Variants in SPTBN5 observed in about 807,000 individuals in gnomAD.
SPTBN5 encodes the protein spectrin beta chain, non-erythrocytic 5.
In SPTBN5, 513 loss-of-function variants were observed where a neutral mutation model predicts 477.6. That is an observed-to-expected ratio of 1.07 (90% CI 1.00 to 1.16). The LOEUF (loss-of-function observed/expected upper bound fraction) is 1.16, where lower values mean the gene tolerates loss of function less well. Ranked by LOEUF, SPTBN5 falls within the 50% of genes most tolerant of loss-of-function variation. SPTBN5 has a pLI of 0.00. For missense variants in SPTBN5, 5,062 were observed against 4,731.8 expected, an observed-to-expected ratio of 1.07 and a Z score of -2.05; for synonymous variants, 2,169 against 2,011.7, an observed-to-expected ratio of 1.08 and a Z score of -2.09.
chr15:41,857,700 C>G lies in SPTBN5; in HGVS notation c.8237G>C (p.Arg2746Thr). 1 of 1,574,648 alleles carries G rather than the reference C, an allele frequency of 6.4e-7. No individual in the cohort carries two copies. Among genetic ancestry groups the G allele is most frequent in the Non-Finnish European group, 8.6e-7 (1 of 1,162,440 alleles). ...GGCTGGGTGGCCCCCCTGCAGCAGC[C>G]TCTGTCCCTCCTGCAGCCACAACAT... ...QQQELQREGQRLLQGGHPASE... is the reference protein window; with the variant it reads ...QQQELQREGQTLLQGGHPASE... Residue 2746 changes from arginine to threonine, a missense_variant, in exon 50 of 68, where the codon AGG (arginine) becomes ACG (threonine). Arg to Thr is a moderately conservative substitution (Grantham distance 71, BLOSUM62 -1). Coordinates refer to ENST00000320955, the MANE Select transcript of SPTBN5 (RefSeq NM_016642.4).
chr15:41,867,738 G>A (rs2066377563), intron 34 of SPTBN5, 96 bp from the exon 35 acceptor site: 3 of 1,179,558 alleles, frequency 2.5e-6, no homozygotes, highest in Admixed American at 1.7e-5. Context: ...GTATGGCAGG[G>A]CCTTAGGAGT....
chr15:41,870,539 C>T lies in SPTBN5; in HGVS notation c.5469G>A (p.Trp1823Ter). Residue 1823 changes from tryptophan to a stop codon, truncating the protein, a stop_gained, in exon 30 of 68, where the codon TGG becomes TGA. Transcript: ENST00000320955. LOFTEE classifies it high-confidence loss of function. ...QDLQTAWSELWELTQARGHAL... is the reference protein window; with the variant it reads ...QDLQTAWSEL ...CGTGGCCTCGGGCCTGGGTCAGCTC[C>T]CACAGCTCCGACCAGGCGGTCCTGC... 2 of 1,610,200 alleles carry T rather than the reference C, an allele frequency of 1.2e-6. No homozygotes were observed.
chr15:41,849,447 C>T (rs768816254), intron 67 of SPTBN5, among the ~76,000 whole-genome samples: 8 of 152,146 alleles, frequency 5.3e-5, no homozygotes, highest in African/African-American at 9.7e-5. Context: ...AGGGTCTGGC[C>T]GTCCTGCCAA....
intron 13 of SPTBN5, 58 bp from the exon 14 acceptor site, chr15:41,880,370 G>A: frequency 1.3e-6 from 2 of 1,516,076 alleles, no homozygotes; most frequent in Admixed American, 4.3e-5. Flanking sequence ...AGGGCTCTCA[G>A]AGCGGGTCAA....
At position 41,870,513 on chromosome 15, in the gene SPTBN5, G is replaced by T. The variant is rs370320830; in HGVS notation, c.5495C>A (p.Ala1832Glu). The T allele has an allele frequency of 2.5e-6, 4 of 1,612,356 alleles. No homozygotes were observed. Among genetic ancestry groups the T allele is most frequent in the Non-Finnish European group, 3.4e-6 (4 of 1,179,778 alleles). Reference sequence around the variant, plus strand: ...GAGGGTGGTCTCGGTGTCTCGGAGCGCGTGGCCTCGGGCCTGGGTCAGCTC... The same window carrying T: ...GAGGGTGGTCTCGGTGTCTCGGAGCTCGTGGCCTCGGGCCTGGGTCAGCTC... Reference protein sequence around the residue: ...LWELTQARGHALRDTETTLRV... With the variant: ...LWELTQARGHELRDTETTLRV... The change falls in exon 30 of 68, where the codon GCG becomes GAG. Residue 1832 changes from alanine to glutamate, a missense_variant. Physicochemically the swap from Ala to Glu is moderately radical, Grantham distance 107. Transcript: ENST00000320955.
At chr15:41,854,649 G>A in intron 56 of SPTBN5, 133 bp downstream of exon 56, 1 of 740,118 alleles carries the variant, frequency 1.4e-6, no homozygotes, top group Non-Finnish European at 2.1e-6. Flanking sequence ...AGCAGGTGAG[G>A]GAAAAGGCAC....
At chr15:41,885,355 A>G (rs987094840) in intron 7 of SPTBN5, among the ~76,000 whole-genome samples, 22 of 152,174 alleles carry the variant, frequency 1.4e-4, no homozygotes, top group African/African-American at 4.8e-4. Context: ...TTATTACCAC[A>G]TGCTATGAAT....
intron 49 of SPTBN5, among the ~76,000 whole-genome samples, chr15:41,858,347 C>T (rs931775927): frequency 2.0e-5 from 3 of 152,242 alleles, no homozygotes; most frequent in African/African-American, 4.8e-5. Context: ...TGGCTATGTC[C>T]TGTTCACATC....
At position 41,857,688 on chromosome 15, in the gene SPTBN5, C is replaced by T; in HGVS notation, c.8249G>A (p.Gly2750Glu). 1 of 1,580,320 alleles carries T rather than the reference C, an allele frequency of 6.3e-7. No individual in the cohort carries two copies. Among genetic ancestry groups the T allele is most frequent in the Non-Finnish European group, 8.6e-7 (1 of 1,164,614 alleles). ...LQREGQRLLQGGHPASEAIQE... is the reference protein window; with the variant it reads ...LQREGQRLLQEGHPASEAIQE... ...GATGGCCTCCGAGGCTGGGTGGCCC[C>T]CCTGCAGCAGCCTCTGTCCCTCCTG... The change falls in exon 50 of 68, where the codon GGG (glycine) becomes GAG (glutamate). Residue 2750 changes from glycine (G) to glutamate (E), a missense_variant. Transcript: ENST00000320955.
At position 41,858,635 on chromosome 15, in the gene SPTBN5, G is replaced by A. The variant is rs780166898; in HGVS notation, c.8193C>T (p.Asp2731=). The stretch of plus-strand genomic sequence containing the variant: ...GCTCCTGCTGTTGGTGCATGCTCGC[G>A]TCCAGCTCCGCCTGGAAATTCTGCT... ...QKQQNFQAEL[D]ASMHQQQELQ... The change falls in exon 49 of 68, where the codon GAC becomes GAT. Residue 2731 remains aspartate (D), a synonymous_variant. Coordinates refer to ENST00000320955, the MANE Select transcript of SPTBN5 (RefSeq NM_016642.4). 2.1e-5 allele frequency: 34 copies of A among 1,611,294 alleles called. No homozygotes were observed. Among genetic ancestry groups the A allele is most frequent in the African/African-American group, 6.7e-5 (5 of 74,930 alleles).
chr15:41,869,853 G>A lies in SPTBN5; in HGVS notation c.5841C>T (p.Arg1947=). 1 of 1,559,882 alleles carries A rather than the reference G, an allele frequency of 6.4e-7. No individual in the cohort carries two copies. Among genetic ancestry groups the A allele is most frequent in the Non-Finnish European group, 8.6e-7 (1 of 1,162,722 alleles). Residue 1947 remains arginine, a synonymous_variant, in exon 32 of 68, where the codon CGC becomes CGT. Coordinates refer to ENST00000320955, the MANE Select transcript of SPTBN5 (RefSeq NM_016642.4). The stretch of plus-strand genomic sequence containing the variant: ...CAGGAGCCCTCACCGCCGTGCGGAA[G>A]CGGGCCAGGAGGCGTGCCCGCTCCA... ...AQLERARLLA[R]FRTAVRDYAS...
chr15:41,875,327 T>A, intron 22 of SPTBN5, 131 bp downstream of exon 22: 1 of 1,188,570 alleles, frequency 8.4e-7, no homozygotes, highest in South Asian at 1.6e-5. Flanking sequence ...GCTCAGCTTG[T>A]CCTAGGCCAG....
chr15:41,854,237 G>A, intron 56 of SPTBN5, 32 bp from the exon 57 acceptor site: 3 of 1,571,300 alleles, frequency 1.9e-6, no homozygotes, highest in Non-Finnish European at 2.6e-6. Flanking sequence ...GCTCAGGGCT[G>A]TTCTCTGCTC....
chr15:41,891,152 C>CCTG (rs2067298468), intron 3 of SPTBN5, among the ~76,000 whole-genome samples: 3 of 152,218 alleles, frequency 2.0e-5, no homozygotes, highest in African/African-American at 7.2e-5. Flanking sequence ...ATCCCCTTGC[C>CCTG]CTGCTCAAGT....
chr15:41,887,365 C>T lies in SPTBN5; in HGVS notation c.736G>A (p.Glu246Lys), dbSNP rs1181775269. Reference protein sequence around the residue: ...HNLAFAFLVAEQELGIAQLLD... With the variant: ...HNLAFAFLVAKQELGIAQLLD... ...AGCTGAGCAATGCCCAGCTCCTGCTCAGCCACCAGGAAAGCAAAAGCAAGG... is the reference window on the plus strand; with the variant it reads ...AGCTGAGCAATGCCCAGCTCCTGCTTAGCCACCAGGAAAGCAAAAGCAAGG... Residue 246 changes from glutamate (E) to lysine (K), a missense_variant, in exon 6 of 68, where the codon GAG (glutamate) becomes AAG (lysine). By Grantham distance (56) the Glu-to-Lys change is moderately conservative (BLOSUM62 1). Transcript: ENST00000320955. 5 of 1,553,310 alleles carry T rather than the reference C, an allele frequency of 3.2e-6. No individual in the cohort carries two copies. The highest frequency in any genetic ancestry group is 3.5e-6 in the Non-Finnish European group (4 of 1,148,252).
intron 7 of SPTBN5, among the ~76,000 whole-genome samples, chr15:41,884,149 C>A (rs1055274870): frequency 8.5e-5 from 13 of 152,122 alleles, no homozygotes; most frequent in African/African-American, 3.1e-4. Flanking sequence ...CCACACCTGG[C>A]TAATTTTTTT....
In SPTBN5 at chr15:41,848,481, A is replaced by AGAAGCTGGGCCTGGGGAACTGGGTT. The variant is rs2065629379; in HGVS notation, c.*110_*134dup. 9.7e-7 allele frequency: 1 copy of AGAAGCTGGGCCTGGGGAACTGGGTT among 1,027,844 alleles called. No individual in the cohort carries two copies. Among genetic ancestry groups the AGAAGCTGGGCCTGGGGAACTGGGTT allele is most frequent in the African/African-American group, 1.6e-5 (1 of 63,452 alleles). The allele number at this position is 1,027,844 out of a possible 1,614,324, so 63.7% of individuals were successfully genotyped here. The stretch of plus-strand genomic sequence containing the variant: ...CTAACCAGAAGGAACTGTCTATTCC[A>AGAAGCTGGGCCTGGGGAACTGGGTT]GAAGCTGGGCCTGGGGAACTGGGTT... On this transcript the variant is annotated 3_prime_UTR_variant, in exon 68 of 68. Coordinates refer to ENST00000320955, the MANE Select transcript of SPTBN5 (RefSeq NM_016642.4).
rs754284858 is a variant in SPTBN5 at position 41,861,479 on chromosome 15, C to T, written c.7755G>A (p.Val2585=). 12 of 1,613,456 alleles carry T rather than the reference C, an allele frequency of 7.4e-6. No homozygotes were observed. Among genetic ancestry groups the T allele is most frequent in the Middle Eastern group, 1.6e-4 (1 of 6,084 alleles). Reference sequence around the variant, plus strand: ...TGCAAAGCCAACGTTCCATCTTCTCCACTGAGCTCAGAAACAGCTGAGAAC... The same window carrying T: ...TGCAAAGCCAACGTTCCATCTTCTCTACTGAGCTCAGAAACAGCTGAGAAC... ...ALELQLFLSS[V]EKMERWLCSK... Residue 2585 remains valine (V), a synonymous_variant, in exon 46 of 68, where the codon GTG becomes GTA. Coordinates refer to ENST00000320955, the MANE Select transcript of SPTBN5 (RefSeq NM_016642.4).
rs1311473101 is a variant in SPTBN5, at chr15:41,853,298, C to T, written c.10130G>A (p.Gly3377Glu). The T allele has an allele frequency of 6.2e-7, 1 of 1,611,446 alleles. No homozygotes were observed. Among genetic ancestry groups the T allele is most frequent in the Non-Finnish European group, 8.5e-7 (1 of 1,178,582 alleles). Reference sequence around the variant, plus strand: ...GTGGCTGTTGTCCACCAGCTGCTGTCCTTCCTGCCGCAGGTCCTGGGCTTG... The same window carrying T: ...GTGGCTGTTGTCCACCAGCTGCTGTTCTTCCTGCCGCAGGTCCTGGGCTTG... ...RLQAQDLRQE[G>E]QQLVDNSHFM... The change falls in exon 59 of 68, where the codon GGA becomes GAA. Residue 3377 changes from glycine to glutamate, a missense_variant. By Grantham distance (98) the Gly-to-Glu change is moderately conservative. Transcript: ENST00000320955.
Sources: allele counts gnomAD v4.1 joint callset (sites outside exome capture counted in the v4.1 genomes callset), GRCh38; gene constraint gnomAD v4.1.1; transcripts MANE v1.5; gene names NCBI Gene and HGNC (gene_info 2026-07-23, HGNC 2026-07-21).